LPGAT1: variants seen among roughly 807,000 people sequenced by gnomAD.
LPGAT1 encodes the protein lysophosphatidylglycerol acyltransferase 1.
In LPGAT1, 11 loss-of-function variants were observed where a neutral mutation model predicts 47.5. That is an observed-to-expected ratio of 0.23 (90% CI 0.15 to 0.38). The LOEUF (loss-of-function observed/expected upper bound fraction) is 0.38. Among genes scored for constraint, LPGAT1 ranks in the 10% least tolerant of loss-of-function variants. The pLI is 1.00. For synonymous variants in LPGAT1, 138 were observed against 144.2 expected, an observed-to-expected ratio of 0.96 and a Z score of 0.31; for missense variants, 293 against 439.0, an observed-to-expected ratio of 0.67 and a Z score of 2.97.
intron 6 of LPGAT1, among the ~76,000 whole-genome samples, chr1:211,758,455 C>G (rs772639716): frequency 6.6e-6 from 1 of 152,138 alleles, no homozygotes; most frequent in Non-Finnish European, 1.5e-5. Flanking sequence ...GTAATCCCAG[C>G]ATTTTGAGAG....
chr1:211,786,933 C>T lies in LPGAT1; in HGVS notation c.453+699G>A, dbSNP rs186161173. 2.5e-3 allele frequency among the ~76,000 whole-genome samples: 381 copies of T among 152,188 alleles called. 2 individuals carry two copies. Among genetic ancestry groups the T allele is most frequent in the Admixed American group, 4.1e-3 (63 of 15,272 alleles). ...TCTGAGTGCTTTATAGCTATTACTT[C>T]ATTTAATCCCCACAACAACCATTGT... On this transcript the variant is annotated intron_variant, in intron 4 of 7. Coordinates refer to ENST00000366997, the MANE Select transcript of LPGAT1 (RefSeq NM_014873.3).
At chr1:211,801,877 C>T (rs1282947267) in intron 2 of LPGAT1, among the ~76,000 whole-genome samples, 3 of 151,710 alleles carry the variant, frequency 2.0e-5, no homozygotes, top group African/African-American at 7.3e-5. Context: ...GTCAGGAGTT[C>T]GAGATCAGTC....
intron 6 of LPGAT1, among the ~76,000 whole-genome samples, chr1:211,759,221 C>A (rs975888504): frequency 4.6e-5 from 7 of 152,072 alleles, no homozygotes; most frequent in Non-Finnish European, 8.8e-5. Flanking sequence ...ATCCTTTCTT[C>A]TTCTATGCTC....
chr1:211,746,439 A>C lies in LPGAT1; in HGVS notation c.*3460T>G, dbSNP rs1173958747. ...GCATCATTTCACTACTCATTAACAC[A>C]GTCATAAATATATAGGCAAAAAACC... is the stretch of plus-strand genomic sequence containing the variant. On this transcript the variant is annotated 3_prime_UTR_variant, in exon 8 of 8. Transcript: ENST00000366997. The C allele has an allele frequency of 1.3e-5, 2 of 152,230 alleles. No individual in the cohort carries two copies. The highest frequency in any genetic ancestry group is 2.9e-5 in the Non-Finnish European group (2 of 68,042). 9.4% of individuals were successfully genotyped at this position (152,230 alleles called of 1,614,324 possible). A position where few individuals can be genotyped will look rare whatever the true frequency, so the allele number is the denominator to read the frequency against.
chr1:211,755,040 CAAA>C (rs11390656), intron 6 of LPGAT1, among the ~76,000 whole-genome samples: 1 of 74,530 alleles, frequency 1.3e-5, no homozygotes, highest in African/African-American at 4.7e-5. Context: ...ACTCCGTCTC[CAAA>C]AAAAAAAAAA....
rs932715056 is a variant in LPGAT1 at position 211,745,239 on chromosome 1, G to A, written c.*4660C>T. On this transcript the variant is annotated 3_prime_UTR_variant, in exon 8 of 8. Transcript: ENST00000366997. ...CAACATGCAGATAACACAAAGAAAG[G>A]TCAACAAGCTGAAGTAAACATTACA... is the stretch of plus-strand genomic sequence containing the variant. 3 of 152,618 alleles carry A rather than the reference G, an allele frequency of 2.0e-5. No homozygotes were observed. Among genetic ancestry groups the A allele is most frequent in the African/African-American group, 7.2e-5 (3 of 41,510 alleles). The allele number at this position is 152,618 out of a possible 1,614,324, so 9.5% of individuals were successfully genotyped here. A position where few individuals can be genotyped will look rare whatever the true frequency, so the allele number is the denominator to read the frequency against.
At chr1:211,750,123 A>C in intron 7 of LPGAT1, 73 bp from the exon 8 acceptor site, 1 of 1,316,526 alleles carries the variant, frequency 7.6e-7, no homozygotes, top group Non-Finnish European at 1.1e-6. Context: ...GTTGAATATT[A>C]GCTTAACTAC....
chr1:211,787,581 G>C (rs761510832), intron 4 of LPGAT1, 51 bp downstream of exon 4: 2 of 939,534 alleles, frequency 2.1e-6, no homozygotes, highest in Non-Finnish European at 3.2e-6. Flanking sequence ...TTATAATCAA[G>C]AATCAATTTG....
intron 6 of LPGAT1, 48 bp from the exon 7 acceptor site, chr1:211,751,115 C>G (rs764238776): frequency 2.5e-6 from 3 of 1,183,180 alleles, no homozygotes; most frequent in Non-Finnish European, 3.7e-6. Context: ...GTTCAGAAGT[C>G]AAAATCATTC....
At chr1:211,777,784 T>C (rs1658465452) in intron 6 of LPGAT1, among the ~76,000 whole-genome samples, 1 of 152,118 alleles carries the variant, frequency 6.6e-6, no homozygotes, top group Admixed American at 6.5e-5. Flanking sequence ...CTGGGTAAAA[T>C]GAGGCTGAGA....
intron 2 of LPGAT1, among the ~76,000 whole-genome samples, chr1:211,805,263 G>A (rs182561080): frequency 3.3e-5 from 5 of 152,222 alleles, no homozygotes; most frequent in Non-Finnish European, 5.9e-5. Context: ...CACTACAAAC[G>A]TTCCTTGATT....
intron 6 of LPGAT1, among the ~76,000 whole-genome samples, chr1:211,767,863 T>C (rs1658006097): frequency 6.6e-6 from 1 of 152,136 alleles, no homozygotes; most frequent in Non-Finnish European, 1.5e-5. Context: ...GGCAATATTA[T>C]CATTAGGTGA....
chr1:211,803,371 G>A (rs1314554673), intron 2 of LPGAT1, among the ~76,000 whole-genome samples: 2 of 152,194 alleles, frequency 1.3e-5, no homozygotes, highest in East Asian at 3.8e-4. Flanking sequence ...TGATAGGGAA[G>A]GAAGATAATC....
At chr1:211,818,915 AAC>A (rs1262377305) in intron 2 of LPGAT1, among the ~76,000 whole-genome samples, 3 of 152,384 alleles carry the variant, frequency 2.0e-5, no homozygotes, top group South Asian at 2.1e-4. Flanking sequence ...AGACAAAAGA[AAC>A]ACACTTTGGA....
intron 6 of LPGAT1, among the ~76,000 whole-genome samples, chr1:211,777,953 A>G (rs1027263323): frequency 6.6e-6 from 1 of 152,218 alleles, no homozygotes; most frequent in African/African-American, 2.4e-5. Context: ...CACAAGAGTG[A>G]CCTTTGGTCA....
At chr1:211,816,484 A>G (rs865948727) in intron 2 of LPGAT1, among the ~76,000 whole-genome samples, 4 of 152,248 alleles carry the variant, frequency 2.6e-5, no homozygotes, top group African/African-American at 9.6e-5. Context: ...TATTTTATTC[A>G]GACTACGGCC....
intron 2 of LPGAT1, among the ~76,000 whole-genome samples, chr1:211,802,778 T>C (rs964817589): frequency 4.6e-5 from 7 of 152,126 alleles, no homozygotes; most frequent in African/African-American, 1.7e-4. Context: ...CACTCTGACA[T>C]GGGACATCAA....
intron 7 of LPGAT1, 51 bp downstream of exon 7, chr1:211,750,910 C>G (rs761874728): frequency 4.6e-6 from 6 of 1,300,944 alleles, no homozygotes; most frequent in Middle Eastern, 2.3e-4. Flanking sequence ...TTAAAAGAGG[C>G]TTTCATTACT....
At chr1:211,763,442 G>C (rs1657784773) in intron 6 of LPGAT1, among the ~76,000 whole-genome samples, 1 of 152,146 alleles carries the variant, frequency 6.6e-6, no homozygotes, top group Non-Finnish European at 1.5e-5. Flanking sequence ...CTCACCAGAA[G>C]CCAACTAGAT....
Sources: allele counts gnomAD v4.1 joint callset (sites outside exome capture counted in the v4.1 genomes callset), GRCh38; gene constraint gnomAD v4.1.1; transcripts MANE v1.5; gene names NCBI Gene and HGNC (gene_info 2026-07-23, HGNC 2026-07-21).